Variants in ARHGAP28 observed in about 807,000 individuals in gnomAD.
The protein encoded by ARHGAP28 is Rho GTPase activating protein 28.
In ARHGAP28, 56 loss-of-function variants were observed where a neutral mutation model predicts 90.7. The ratio of observed to expected loss-of-function variants is 0.62; its 90% CI spans 0.50 to 0.77. The LOEUF is 0.77. ARHGAP28 is among the 30% of genes least tolerant of loss of function. The pLI, the probability that ARHGAP28 is intolerant of heterozygous loss-of-function variation, is 0.00. For missense variants in ARHGAP28, 869 were observed against 900.9 expected, an observed-to-expected ratio of 0.96 and a Z score of 0.45; for synonymous variants, 308 against 323.3, an observed-to-expected ratio of 0.95 and a Z score of 0.51.
intron 2 of ARHGAP28, among the ~76,000 whole-genome samples, chr18:6,832,412 A>C (rs1028308146): frequency 3.3e-5 from 5 of 152,072 alleles, no homozygotes; most frequent in Non-Finnish European, 7.4e-5. Context: ...AATGCTCATT[A>C]GATTAAGGTG....
chr18:6,858,827 C>G (rs779793753), intron 4 of ARHGAP28, among the ~76,000 whole-genome samples: 2 of 149,928 alleles, frequency 1.3e-5, no homozygotes, highest in Admixed American at 6.6e-5. Context: ...GCCCAGCTGA[C>G]TTAAATTTCT....
chr18:6,786,377 T>G (rs1413435152), intron 1 of ARHGAP28, among the ~76,000 whole-genome samples: 1 of 152,158 alleles, frequency 6.6e-6, no homozygotes, highest in East Asian at 1.9e-4. Context: ...CCCAAAGGGA[T>G]AGGTGTATAC....
chr18:6,876,374 T>A (rs2143582796), intron 10 of ARHGAP28, among the ~76,000 whole-genome samples, 166 bp downstream of exon 10: 1 of 152,316 alleles, frequency 6.6e-6, no homozygotes, highest in East Asian at 1.9e-4. Flanking sequence ...CAGAGTTTTT[T>A]CATGATCCAG....
chr18:6,889,763 G>T, intron 12 of ARHGAP28, 125 bp from the exon 13 acceptor site: 1 of 860,900 alleles, frequency 1.2e-6, no homozygotes, highest in Middle Eastern at 3.5e-4. Context: ...AACATGGTAC[G>T]TTTAACCATT....
chr18:6,798,459 G>T (rs1043957717), intron 1 of ARHGAP28, among the ~76,000 whole-genome samples: 3 of 152,168 alleles, frequency 2.0e-5, no homozygotes, highest in Non-Finnish European at 4.4e-5. Flanking sequence ...CTCCCAAAGT[G>T]CTGGAATTAC....
intron 4 of ARHGAP28, among the ~76,000 whole-genome samples, chr18:6,859,080 C>T (rs1480480015): frequency 1.3e-5 from 1 of 75,304 alleles, no homozygotes; most frequent in Non-Finnish European, 2.8e-5. Flanking sequence ...TTTATTAAAA[C>T]AACAACAACA....
At chr18:6,772,765 G>A (rs572931495) in intron 1 of ARHGAP28, among the ~76,000 whole-genome samples, 181 of 151,102 alleles carry the variant, frequency 1.2e-3, no homozygotes, top group African/African-American at 3.8e-3. Context: ...ACGGAGTTTC[G>A]CTCTTGTTGC....
chr18:6,859,089 C>CA (rs1459459543), intron 4 of ARHGAP28, among the ~76,000 whole-genome samples: 161 of 104,144 alleles, frequency 1.5e-3, no homozygotes, highest in Non-Finnish European at 2.9e-3. Flanking sequence ...ACAACAACAA[C>CA]AACAACAAAA....
In ARHGAP28 at chr18:6,901,555, A is replaced by C. The variant is rs60237213; in HGVS notation, c.2030+4929A>C. 3.5e-3 allele frequency among the ~76,000 whole-genome samples: 533 copies of C among 152,032 alleles called. 4 individuals are homozygous for C. Among genetic ancestry groups the C allele is most frequent in the African/African-American group, 0.012 (495 of 41,442 alleles). On this transcript the variant is annotated intron_variant, in intron 16 of 17. Transcript: ENST00000383472. ...CTTGATATGATAAAAAAAAAAAAAA[A>C]AACAGCCCTTTATCTCTGTGGTCTT... is the stretch of plus-strand genomic sequence containing the variant.
chr18:6,898,481 A>T (rs2057320151), intron 16 of ARHGAP28: 1 of 1,613,960 alleles, frequency 6.2e-7, no homozygotes, highest in Non-Finnish European at 8.5e-7. Context: ...TAAATGGAAA[A>T]TGGGTTAAAA....
chr18:6,809,487 G>A lies in ARHGAP28; in HGVS notation c.123-15275G>A, dbSNP rs1003941619. On this transcript the variant is annotated intron_variant, in intron 1 of 17. Transcript: ENST00000383472. ...AGTTTAACCAGCCCATGGTTCTGTG[G>A]GTTGTACAGGCTTCTGCTTCTGGGG... Among the ~76,000 whole-genome samples the A allele has an allele frequency of 9.2e-5, 14 of 152,196 alleles. 1 individual carries two copies. Among genetic ancestry groups the A allele is most frequent in the Admixed American group, 6.5e-4 (10 of 15,270 alleles).
At chr18:6,893,260 T>C (rs533420305) in intron 14 of ARHGAP28, among the ~76,000 whole-genome samples, 1 of 152,302 alleles carries the variant, frequency 6.6e-6, no homozygotes, top group South Asian at 2.1e-4. Flanking sequence ...ATTAGACTTC[T>C]TGAGTGAGGT....
intron 14 of ARHGAP28, 122 bp from the exon 15 acceptor site, chr18:6,894,713 C>T (rs567482088): frequency 4.0e-6 from 3 of 748,334 alleles, no homozygotes; most frequent in Admixed American, 5.2e-5. Context: ...AGTGCATATA[C>T]ATTTTATAAT....
At chr18:6,877,359 A>C (rs1467863034) in intron 10 of ARHGAP28, among the ~76,000 whole-genome samples, 2 of 152,142 alleles carry the variant, frequency 1.3e-5, no homozygotes, top group South Asian at 2.1e-4. Flanking sequence ...GGCTCTAACC[A>C]CGGTGCAGGT....
At chr18:6,907,255 T>TA (rs1458920545) in intron 16 of ARHGAP28, among the ~76,000 whole-genome samples, 2 of 152,142 alleles carry the variant, frequency 1.3e-5, no homozygotes, top group Admixed American at 1.3e-4. Context: ...GGCAGTTTCT[T>TA]AAAAAACTAA....
intron 10 of ARHGAP28, among the ~76,000 whole-genome samples, chr18:6,880,509 C>T (rs540022197): frequency 2.0e-5 from 3 of 152,308 alleles, no homozygotes; most frequent in African/African-American, 7.2e-5. Context: ...TTGCCATTCC[C>T]GTGCTTAGAG....
intron 1 of ARHGAP28, among the ~76,000 whole-genome samples, chr18:6,770,440 A>G (rs944518370): frequency 6.6e-6 from 1 of 152,232 alleles, no homozygotes; most frequent in Non-Finnish European, 1.5e-5. Context: ...GTAGGATGTC[A>G]GAGCTTTTGG....
intron 10 of ARHGAP28, among the ~76,000 whole-genome samples, chr18:6,880,641 C>T (rs1172756461): frequency 6.6e-6 from 1 of 152,214 alleles, no homozygotes; most frequent in Non-Finnish European, 1.5e-5. Flanking sequence ...AACTGGAGTT[C>T]CCCAGACACA....
intron 16 of ARHGAP28, among the ~76,000 whole-genome samples, chr18:6,908,255 G>T (rs549123215): frequency 1.3e-5 from 2 of 151,564 alleles, no homozygotes; most frequent in African/African-American, 2.4e-5. Context: ...CTCCTGCCTC[G>T]GCCTCCTGGG....
Sources: gnomAD v4.1 joint callset for allele counts (sites outside exome capture counted in the v4.1 genomes callset) on GRCh38, gnomAD v4.1.1 for gene constraint, MANE v1.5 for transcripts, NCBI Gene and HGNC (gene_info 2026-07-23, HGNC 2026-07-21) for gene names.